The following PCDHA10 variants were observed in gnomAD, a reference collection of about 807,000 sequenced individuals.
PCDHA10 encodes protocadherin alpha-10.
Under a neutral mutation model 61.2 loss-of-function variants are expected in PCDHA10, and 45 were observed. That is an observed-to-expected ratio of 0.74 (90% CI 0.58 to 0.94). The LOEUF is 0.94. Among genes scored for constraint, PCDHA10 ranks in the 40% least tolerant of loss-of-function variants. PCDHA10 has a pLI of 0.00. For synonymous variants in PCDHA10, 602 were observed against 548.8 expected (o/e 1.10, Z -1.35); for missense variants, 1,278 against 1,236.2 (o/e 1.03, Z -0.51).
intron 1 of PCDHA10, among the ~76,000 whole-genome samples, chr5:140,937,626 A>G (rs2091639486): frequency 6.6e-6 from 1 of 150,782 alleles, no homozygotes; most frequent in Non-Finnish European, 1.5e-5. Context: ...AAAAAGAAAA[A>G]GAAAGGCAGG....
intron 1 of PCDHA10, among the ~76,000 whole-genome samples, chr5:140,918,864 A>T (rs1225688566): frequency 6.6e-6 from 1 of 152,180 alleles, no homozygotes; most frequent in Non-Finnish European, 1.5e-5. Flanking sequence ...TGAATCATGA[A>T]CTTTCAAGCC....
intron 1 of PCDHA10, among the ~76,000 whole-genome samples, chr5:140,940,000 G>A (rs1442780881): frequency 6.6e-6 from 1 of 152,080 alleles, no homozygotes; most frequent in Non-Finnish European, 1.5e-5. Context: ...CTTGGATTTT[G>A]TCAATTTTTT....
chr5:140,885,293 G>C (rs945786135), intron 1 of PCDHA10, among the ~76,000 whole-genome samples: 8 of 152,122 alleles, frequency 5.3e-5, no homozygotes, highest in Non-Finnish European at 1.5e-5. Context: ...TATAGAGAGA[G>C]ACCTGGTAGG....
chr5:140,873,571 TGTTTAA>T (rs141288581), intron 1 of PCDHA10, among the ~76,000 whole-genome samples: 18,659 of 152,254 alleles, frequency 0.12, 1,208 homozygotes, highest in Middle Eastern at 0.19. Flanking sequence ...CTAGTTTGGT[TGTTTAA>T]GTATTAAGCT....
intron 1 of PCDHA10, among the ~76,000 whole-genome samples, chr5:140,978,477 G>A (rs1362771671): frequency 6.6e-6 from 1 of 152,342 alleles, no homozygotes; most frequent in African/African-American, 2.4e-5. Context: ...ATATGCTGCA[G>A]TCTGCAAAGC....
intron 1 of PCDHA10, among the ~76,000 whole-genome samples, chr5:140,975,935 C>T (rs1351802479): frequency 6.6e-6 from 1 of 152,060 alleles, no homozygotes; most frequent in East Asian, 1.9e-4. Flanking sequence ...ACCTTTGAAG[C>T]AATAGGACAT....
intron 3 of PCDHA10, among the ~76,000 whole-genome samples, chr5:140,999,645 G>C (rs1417751593): frequency 6.6e-6 from 1 of 152,156 alleles, no homozygotes; most frequent in Non-Finnish European, 1.5e-5. Context: ...AAACTGTGCA[G>C]CCTGAGCCCT....
chr5:140,882,539 G>A (rs1303287274), intron 1 of PCDHA10: 2 of 1,614,110 alleles, frequency 1.2e-6, no homozygotes, highest in African/African-American at 2.7e-5. Flanking sequence ...TTCTCGGATC[G>A]ACCGCGAGGA....
At chr5:140,884,665 A>G (rs1554181817) in intron 1 of PCDHA10, 9 of 1,578,032 alleles carry the variant, frequency 5.7e-6, no homozygotes, top group Non-Finnish European at 7.7e-6. Context: ...TGAAAGAGGT[A>G]AGCTTATATT....
intron 1 of PCDHA10, among the ~76,000 whole-genome samples, chr5:140,959,938 G>T (rs937975013): frequency 6.6e-6 from 1 of 152,130 alleles, no homozygotes; most frequent in Non-Finnish European, 1.5e-5. Flanking sequence ...CATTACTTAG[G>T]CAGAATATCA....
intron 3 of PCDHA10, among the ~76,000 whole-genome samples, chr5:141,005,701 CAAAAAAAAAAAAAAAAAA>C (rs59860837): frequency 2.6e-4 from 2 of 7,786 alleles, no homozygotes; most frequent in Non-Finnish European, 5.4e-4. Flanking sequence ...AACTCCGTCT[CAAAAAAAAAAAAAAAAAA>C]AAAAAAAAAA....
At chr5:140,924,263 G>T (rs1292368780) in intron 1 of PCDHA10, among the ~76,000 whole-genome samples, 3 of 152,148 alleles carry the variant, frequency 2.0e-5, no homozygotes, top group African/African-American at 7.2e-5. Context: ...ATCTAATGAG[G>T]TCTGTACTTG....
chr5:140,895,881 G>A (rs1004872677), intron 1 of PCDHA10, among the ~76,000 whole-genome samples: 22 of 152,176 alleles, frequency 1.4e-4, no homozygotes, highest in East Asian at 1.9e-4. Flanking sequence ...GCGCGATCTC[G>A]GCTCACTGCA....
chr5:140,869,403 G>C, intron 1 of PCDHA10: 3 of 1,614,206 alleles, frequency 1.9e-6, no homozygotes, highest in Non-Finnish European at 2.5e-6. Flanking sequence ...GGCAGAGCGC[G>C]GAGTGCAGCA....
intron 1 of PCDHA10, among the ~76,000 whole-genome samples, chr5:140,926,209 T>C (rs553307318): frequency 1.8e-3 from 269 of 152,150 alleles, no homozygotes; most frequent in African/African-American, 6.3e-3. Flanking sequence ...GGGGGGCTCC[T>C]GTTTCCTTAA....
In PCDHA10 at chr5:141,012,204, T is replaced by C. The variant is rs1053312501; in HGVS notation, c.*2267T>C. The C allele has an allele frequency of 1.3e-5, 2 of 153,800 alleles. No homozygotes were observed. Among genetic ancestry groups the C allele is most frequent in the African/African-American group, 4.8e-5 (2 of 41,474 alleles). 9.5% of individuals were successfully genotyped at this position (153,800 alleles called of 1,614,324 possible). On this transcript the variant is annotated 3_prime_UTR_variant, in exon 4 of 4. Transcript: ENST00000307360. ...TATAATGTATCTGTACAGCACTTTT[T>C]ACATTTGCGAAGTGCTTTCCAATCC...
chr5:141,000,776 G>A (rs1455881211), intron 3 of PCDHA10, among the ~76,000 whole-genome samples: 1 of 151,562 alleles, frequency 6.6e-6, no homozygotes, highest in Non-Finnish European at 1.5e-5. Context: ...GCATAGTGGC[G>A]CACACCTGTA....
At chr5:140,891,819 G>C (rs1282245838) in intron 1 of PCDHA10, among the ~76,000 whole-genome samples, 3 of 152,098 alleles carry the variant, frequency 2.0e-5, no homozygotes, top group African/African-American at 7.2e-5. Context: ...ATAAATTAAC[G>C]GCACTGTAAA....
intron 1 of PCDHA10, chr5:140,883,598 G>T (rs782009650): frequency 1.2e-6 from 2 of 1,614,008 alleles, no homozygotes; most frequent in Middle Eastern, 1.7e-4. Flanking sequence ...CGTGTCGGTG[G>T]GGGTGGCCGA....
Sources: allele counts gnomAD v4.1 joint callset (sites outside exome capture counted in the v4.1 genomes callset), GRCh38; gene constraint gnomAD v4.1.1; transcripts MANE v1.5; gene names NCBI Gene and HGNC (gene_info 2026-07-23, HGNC 2026-07-21).